Variants in ZSCAN5A observed in about 807,000 individuals in gnomAD.
The protein encoded by ZSCAN5A is zinc finger and SCAN domain containing 5A, also known as zinc finger and SCAN domain-containing protein 5A.
ZSCAN5A carries 12 observed loss-of-function variants against 23.7 expected under a neutral mutation model. The ratio of observed to expected loss-of-function variants is 0.51; its 90% CI spans 0.32 to 0.82. The LOEUF is 0.82. Ranked by LOEUF, ZSCAN5A falls within the 40% of genes least tolerant of loss-of-function variation. ZSCAN5A has a pLI of 0.03. For missense variants in ZSCAN5A, 597 were observed against 617.9 expected (o/e 0.97, Z 0.36); for synonymous variants, 257 against 239.9 (o/e 1.07, Z -0.66).
intron 2 of ZSCAN5A, among the ~76,000 whole-genome samples, chr19:56,350,476 TAA>T (rs2041660722): frequency 6.6e-6 from 1 of 152,258 alleles, no homozygotes; most frequent in African/African-American, 2.4e-5. Context: ...AAATTAACGC[TAA>T]AGTTATTTTA....
chr19:56,273,614 G>A (rs1394128697), intron 2 of ZSCAN5A, among the ~76,000 whole-genome samples: 1 of 152,158 alleles, frequency 6.6e-6, no homozygotes, highest in African/African-American at 2.4e-5. Context: ...TCCAGGCAGA[G>A]ACTTGAATAT....
chr19:56,357,176 T>C (rs917224432), intron 2 of ZSCAN5A, among the ~76,000 whole-genome samples: 5 of 148,532 alleles, frequency 3.4e-5, no homozygotes, highest in Non-Finnish European at 7.4e-5. Flanking sequence ...ATGACTCAGC[T>C]GGATGCCAAG....
rs1485875340 is a variant in ZSCAN5A, at chr19:56,313,390, T to TA, written c.-229-7dup. 2 of 194,562 alleles carry TA rather than the reference T, an allele frequency of 1.0e-5. No homozygotes were observed. Among genetic ancestry groups the TA allele is most frequent in the East Asian group, 1.8e-4 (1 of 5,648 alleles). The allele number at this position is 194,562 out of a possible 1,614,324, so 12.1% of individuals were successfully genotyped here. A position where few individuals can be genotyped will look rare whatever the true frequency, so the allele number is the denominator to read the frequency against. ...GCTTGAGCAGGGAACCTCCCCTTTA[T>TA]AAAAAACCATCAGATCTCGTGAGAC... On this transcript the variant is annotated splice_polypyrimidine_tract_variant and splice_region_variant and intron_variant, in intron 1 of 5. Transcript: ENST00000683990.
intron 2 of ZSCAN5A, among the ~76,000 whole-genome samples, chr19:56,306,886 G>A (rs77506986): frequency 1.0e-3 from 48 of 47,062 alleles, no homozygotes; most frequent in African/African-American, 3.1e-3. Context: ...CCTCTCCCAC[G>A]TCGCCAGAGA....
intron 2 of ZSCAN5A, among the ~76,000 whole-genome samples, chr19:56,260,477 G>GCTCA (rs2037048945): frequency 6.6e-6 from 1 of 151,960 alleles, no homozygotes; most frequent in Non-Finnish European, 1.5e-5. Flanking sequence ...GCCTCCCAAA[G>GCTCA]TGCTGGGATT....
intron 2 of ZSCAN5A, among the ~76,000 whole-genome samples, chr19:56,238,004 T>TACACACATACAC (rs2035098763): frequency 9.2e-4 from 5 of 5,420 alleles, no homozygotes; most frequent in African/African-American, 3.1e-3. Flanking sequence ...TACGCACACA[T>TACACACATACAC]ACACACACAC....
At position 56,253,096 on chromosome 19, in the gene ZSCAN5A, C is replaced by CT. The variant is rs1600101339; in HGVS notation, c.-127-27924_-127-27923insA. On this transcript the variant is annotated intron_variant, in intron 2 of 5. Transcript: ENST00000683990. ...ACCTGTGGACTTAGAAGCTGGGAGG[C>CT]AATTGACTGGTAACTGACACAGAAG... 2.0e-5 allele frequency among the ~76,000 whole-genome samples: 3 copies of CT among 152,246 alleles called. No homozygotes were observed. The East Asian group carries it at 5.8e-4, about 29-fold the overall frequency.
At chr19:56,336,171 CAG>C (rs2041534058) in intron 2 of ZSCAN5A, among the ~76,000 whole-genome samples, 1 of 152,324 alleles carries the variant, frequency 6.6e-6, no homozygotes, top group East Asian at 1.9e-4. Context: ...TAATATCCTG[CAG>C]AGTGTTTTCC....
At chr19:56,236,363 G>T (rs2034911803) in intron 2 of ZSCAN5A, among the ~76,000 whole-genome samples, 1 of 82,374 alleles carries the variant, frequency 1.2e-5, no homozygotes, top group East Asian at 3.6e-4. Context: ...ATGGACGGTG[G>T]GCCAAGCCTC....
chr19:56,342,011 A>G (rs1326300919), intron 2 of ZSCAN5A, among the ~76,000 whole-genome samples: 1 of 152,168 alleles, frequency 6.6e-6, no homozygotes, highest in African/African-American at 2.4e-5. Context: ...CCCCTTAAGA[A>G]AATTTCATTG....
At chr19:56,228,350 A>G in intron 2 of ZSCAN5A, 3 of 985,364 alleles carry the variant, frequency 3.0e-6, no homozygotes, top group Non-Finnish European at 3.6e-6. Flanking sequence ...GCGGGACTCC[A>G]GGCCGCGTTT....
intron 1 of ZSCAN5A, among the ~76,000 whole-genome samples, chr19:56,367,665 C>T (rs547688744): frequency 7.9e-5 from 12 of 152,298 alleles, no homozygotes; most frequent in African/African-American, 2.6e-4. Flanking sequence ...GCACTTAATC[C>T]TCGCAACACT....
At chr19:56,303,261 C>T (rs1180700472) in intron 2 of ZSCAN5A, among the ~76,000 whole-genome samples, 9 of 151,994 alleles carry the variant, frequency 5.9e-5, no homozygotes, top group Non-Finnish European at 8.8e-5. Flanking sequence ...GGCTGGATCA[C>T]GAGGTCAGGA....
chr19:56,277,951 A>G (rs2038388525), intron 2 of ZSCAN5A, among the ~76,000 whole-genome samples: 1 of 152,190 alleles, frequency 6.6e-6, no homozygotes, highest in East Asian at 1.9e-4. Context: ...ATACTGACAT[A>G]AATAAAATGT....
At chr19:56,256,842 A>T (rs1475593515) in intron 2 of ZSCAN5A, among the ~76,000 whole-genome samples, 4 of 152,112 alleles carry the variant, frequency 2.6e-5, no homozygotes, top group Non-Finnish European at 5.9e-5. Context: ...ATGTTTGAGA[A>T]GCACTGGAAA....
At chr19:56,363,793 G>C (rs1294515331) in intron 1 of ZSCAN5A, among the ~76,000 whole-genome samples, 2 of 152,194 alleles carry the variant, frequency 1.3e-5, no homozygotes, top group African/African-American at 4.8e-5. Flanking sequence ...TTCAAGATGT[G>C]GCATGGCTGT....
In ZSCAN5A at chr19:56,322,147, A is replaced by C. The variant is rs895268442; in HGVS notation, c.-357-5879T>G. 5.2e-6 allele frequency: 4 copies of C among 772,904 alleles called. 1 individual carries two copies. The highest frequency in any genetic ancestry group is 9.6e-6 in the Non-Finnish European group (4 of 418,802). 47.9% of individuals were successfully genotyped at this position (772,904 alleles called of 1,614,324 possible). A position where few individuals can be genotyped will look rare whatever the true frequency, so the allele number is the denominator to read the frequency against. On this transcript the variant is annotated intron_variant, in intron 2 of 6. Transcript: ENST00000587340. Reference sequence around the variant, plus strand: ...AAGTCAGTAGCTGAGCGTCTCTGGAAGGAGGCTCCCTGTTAACAGGTTCTG... The same window carrying C: ...AAGTCAGTAGCTGAGCGTCTCTGGACGGAGGCTCCCTGTTAACAGGTTCTG...
chr19:56,244,146 A>G (rs751236121), intron 2 of ZSCAN5A: 1 of 1,603,796 alleles, frequency 6.2e-7, no homozygotes, highest in Admixed American at 1.7e-5. Flanking sequence ...CAACTTGGAA[A>G]TCATGACTGG....
chr19:56,299,117 G>A (rs1400057846), intron 2 of ZSCAN5A, among the ~76,000 whole-genome samples: 2 of 151,950 alleles, frequency 1.3e-5, no homozygotes, highest in African/African-American at 2.4e-5. Flanking sequence ...AAAGAATATG[G>A]TAAGATTTTA....
Sources: allele counts gnomAD v4.1 joint callset (sites outside exome capture counted in the v4.1 genomes callset), GRCh38; gene constraint gnomAD v4.1.1; transcripts MANE v1.5; gene names NCBI Gene and HGNC (gene_info 2026-07-23, HGNC 2026-07-21).